Variants in PALS1 observed in about 807,000 individuals in gnomAD.
PALS1 encodes protein associated with LIN7 1, MAGUK p55 family member.
PALS1 carries 31 observed loss-of-function variants against 78.9 expected under a neutral mutation model. The observed-to-expected ratio is 0.39, with a 90% CI of 0.30 to 0.53. The LOEUF (loss-of-function observed/expected upper bound fraction) is 0.53, where lower values mean the gene tolerates loss of function less well. Ranked by LOEUF, PALS1 falls within the 20% of genes least tolerant of loss-of-function variation. PALS1 has a pLI of 0.67. For synonymous variants in PALS1, 276 were observed against 270.9 expected, an observed-to-expected ratio of 1.02 and a Z score of -0.18; for missense variants, 704 against 826.5, an observed-to-expected ratio of 0.85 and a Z score of 1.82.
chr14:67,260,407 T>G (rs1004239801), intron 1 of PALS1, among the ~76,000 whole-genome samples: 9 of 152,184 alleles, frequency 5.9e-5, no homozygotes, highest in African/African-American at 2.2e-4. Flanking sequence ...AAAAAATATT[T>G]GTATATAGCA....
At chr14:67,282,495 T>C (rs2084620596) in intron 3 of PALS1, among the ~76,000 whole-genome samples, 1 of 152,102 alleles carries the variant, frequency 6.6e-6, no homozygotes, top group African/African-American at 2.4e-5. Flanking sequence ...GATTAAGTAA[T>C]TGGGTGGTTT....
chr14:67,296,703 ATTAAC>A (rs990921411), intron 4 of PALS1, among the ~76,000 whole-genome samples: 1 of 151,998 alleles, frequency 6.6e-6, no homozygotes, highest in African/African-American at 2.4e-5. Context: ...TTTTAAAAGA[ATTAAC>A]TTATATGAAT....
At chr14:67,275,704 T>C (rs1457672930) in intron 2 of PALS1, among the ~76,000 whole-genome samples, 1 of 152,190 alleles carries the variant, frequency 6.6e-6, no homozygotes, top group African/African-American at 2.4e-5. Context: ...TGGTACCAGC[T>C]CCTCTTTGTA....
rs554616567 is a variant in PALS1 at position 67,252,830 on chromosome 14, C to G, written c.-237+11297C>G. Reference sequence around the variant, plus strand: ...TGTGAGCTAAATATTAGAGACTGTTCTGTTCTAGTCATCTCCCATAAACAG... The same window carrying G: ...TGTGAGCTAAATATTAGAGACTGTTGTGTTCTAGTCATCTCCCATAAACAG... On this transcript the variant is annotated intron_variant, in intron 1 of 14. Transcript: ENST00000261681. Among the ~76,000 whole-genome samples the G allele has an allele frequency of 2.0e-5, 3 of 152,300 alleles. No homozygotes were observed. The South Asian group carries it at 6.2e-4, about 32-fold the overall frequency.
At chr14:67,294,843 T>C (rs1595592933) in intron 4 of PALS1, 1 of 152,274 alleles carries the variant, frequency 6.6e-6, no homozygotes, top group East Asian at 2.0e-4. Flanking sequence ...CAGCTAATTT[T>C]TTGTACTTTT....
At chr14:67,272,107 C>T (rs1188575843) in intron 2 of PALS1, 3 of 151,608 alleles carry the variant, frequency 2.0e-5, no homozygotes, top group Admixed American at 6.6e-5. Context: ...ACCATAGTAT[C>T]TAGCCAGGGG....
At chr14:67,267,969 TATTC>T (rs1449369152) in intron 1 of PALS1, among the ~76,000 whole-genome samples, 1 of 152,238 alleles carries the variant, frequency 6.6e-6, no homozygotes, top group African/African-American at 2.4e-5. Flanking sequence ...ATTTTTTATT[TATTC>T]ATTCCCAGCT....
At chr14:67,261,653 G>T (rs1416690858) in intron 1 of PALS1, among the ~76,000 whole-genome samples, 5 of 152,040 alleles carry the variant, frequency 3.3e-5, no homozygotes, top group Admixed American at 3.3e-4. Context: ...TTTTTATATT[G>T]TTGTAGGAAA....
chr14:67,321,219 T>C lies in PALS1; in HGVS notation c.1700T>C (p.Ile567Thr). The change falls in exon 13 of 15, where the codon ATC becomes ACC. Residue 567 changes from isoleucine (I) to threonine (T), a missense_variant. Physicochemically the swap from Ile to Thr is moderately conservative, Grantham distance 89. Transcript: ENST00000261681. ...GTSIDSVRQV[I>T]NSGKICLLSL... ...AGCATAGATTCTGTACGGCAAGTGA[T>C]CAACTCTGGCAAAATATGTCTTTTA... is the stretch of plus-strand genomic sequence containing the variant. 3 of 1,614,206 alleles carry C rather than the reference T, an allele frequency of 1.9e-6. No individual in the cohort carries two copies. Among genetic ancestry groups the C allele is most frequent in the Middle Eastern group, 1.6e-4 (1 of 6,062 alleles).
At chr14:67,331,480 C>T (rs1438547498) in intron 14 of PALS1, among the ~76,000 whole-genome samples, 4 of 151,962 alleles carry the variant, frequency 2.6e-5, no homozygotes, top group Non-Finnish European at 5.9e-5. Context: ...TATCTAGTTG[C>T]ATTCTGAATC....
intron 6 of PALS1, 55 bp from the exon 7 acceptor site, chr14:67,302,355 C>T (rs1224107176): frequency 3.2e-6 from 4 of 1,252,428 alleles, no homozygotes; most frequent in Non-Finnish European, 4.2e-6. Flanking sequence ...AAAATAAATG[C>T]TTAACAAAAA....
chr14:67,302,565 C>T lies in PALS1; in HGVS notation c.957C>T (p.Asp319=). 6.6e-7 allele frequency: 1 copy of T among 1,504,836 alleles called. No individual in the cohort carries two copies. 93.2% of individuals were successfully genotyped at this position (1,504,836 alleles called of 1,614,324 possible). ...GGAAAGATGTCAATGAGGTTTTTGA[C>T]TTGTTGGTAAGTTGACGCAGCTAGA... ...IRGKDVNEVF[D]LLSDMHGTLT... Residue 319 remains aspartate, a synonymous_variant, in exon 7 of 15, where the codon GAC becomes GAT. Transcript: ENST00000261681.
intron 8 of PALS1, among the ~76,000 whole-genome samples, chr14:67,308,549 T>TC (rs954661485): frequency 1.4e-5 from 2 of 145,830 alleles, no homozygotes; most frequent in African/African-American, 2.5e-5. Flanking sequence ...TCTTTTTCTT[T>TC]TTTTTTTTTT....
intron 1 of PALS1, among the ~76,000 whole-genome samples, chr14:67,258,183 TG>T (rs1421629258): frequency 1.3e-5 from 2 of 151,970 alleles, no homozygotes; most frequent in African/African-American, 4.8e-5. Flanking sequence ...TACCAGTAGA[TG>T]GGAAGTCTAT....
chr14:67,313,013 A>ACTAT (rs1035624036), intron 9 of PALS1, among the ~76,000 whole-genome samples: 5 of 152,156 alleles, frequency 3.3e-5, no homozygotes, highest in African/African-American at 1.2e-4. Flanking sequence ...TATACTATAT[A>ACTAT]CTATATACTA....
intron 11 of PALS1, 142 bp from the exon 12 acceptor site, chr14:67,320,088 T>C: frequency 1.7e-6 from 1 of 602,996 alleles, no homozygotes; most frequent in Non-Finnish European, 2.7e-6. Context: ...TGTTGTCTGA[T>C]TCATTTTCAT....
chr14:67,263,237 A>AT (rs1179250546), intron 1 of PALS1, among the ~76,000 whole-genome samples: 1 of 152,196 alleles, frequency 6.6e-6, no homozygotes, highest in Non-Finnish European at 1.5e-5. Flanking sequence ...TAATTTGTCT[A>AT]ATTGAAAAGA....
chr14:67,310,034 G>GTGT (rs2085064265), intron 8 of PALS1, among the ~76,000 whole-genome samples: 1 of 125,644 alleles, frequency 8.0e-6, no homozygotes, highest in African/African-American at 4.2e-5. Context: ...GATTCTAGAA[G>GTGT]TATTATTGAT....
intron 3 of PALS1, among the ~76,000 whole-genome samples, chr14:67,286,363 GTCTTC>G (rs1400995492): frequency 1.3e-5 from 2 of 152,092 alleles, no homozygotes; most frequent in African/African-American, 2.4e-5. Context: ...TCTGTCCTCT[GTCTTC>G]TCTTTGTTGT....
Sources: gnomAD v4.1 joint callset for allele counts (sites outside exome capture counted in the v4.1 genomes callset) on GRCh38, gnomAD v4.1.1 for gene constraint, MANE v1.5 for transcripts, NCBI Gene and HGNC (gene_info 2026-07-23, HGNC 2026-07-21) for gene names.